The following BFSP1 variants were observed in gnomAD, a reference collection of about 807,000 sequenced individuals.
BFSP1 encodes filensin.
In BFSP1, 38 loss-of-function variants were observed where a neutral mutation model predicts 43.9. That is an observed-to-expected ratio of 0.87 (90% CI 0.67 to 1.14). BFSP1 has a LOEUF of 1.14. Ranked by LOEUF, BFSP1 falls within the 50% of genes most tolerant of loss-of-function variation. The pLI, the probability that BFSP1 is intolerant of heterozygous loss-of-function variation, is 0.00. For synonymous variants in BFSP1, 352 were observed against 354.8 expected (o/e 0.99, Z 0.09); for missense variants, 850 against 875.1 (o/e 0.97, Z 0.36).
chr20:17,521,806 G>C (rs776592547), intron 2 of BFSP1, among the ~76,000 whole-genome samples: 3 of 152,112 alleles, frequency 2.0e-5, no homozygotes, highest in Non-Finnish European at 4.4e-5. Context: ...ACCAATGAAG[G>C]AATGTGACGA....
intron 7 of BFSP1, among the ~76,000 whole-genome samples, 156 bp from the exon 8 acceptor site, chr20:17,495,185 C>A (rs1383106250): frequency 6.6e-6 from 1 of 152,186 alleles, no homozygotes; most frequent in African/African-American, 2.4e-5. Flanking sequence ...GGAAGAAAGG[C>A]CCTGGCTTTG....
chr20:17,520,216 C>G (rs867081414), intron 2 of BFSP1, among the ~76,000 whole-genome samples: 4 of 142,504 alleles, frequency 2.8e-5, no homozygotes, highest in South Asian at 2.6e-4. Context: ...ACGTGCCCCC[C>G]CACCCCGCCC....
At chr20:17,551,902 T>C (rs1329080483) in intron 1 of BFSP1, among the ~76,000 whole-genome samples, 1 of 151,986 alleles carries the variant, frequency 6.6e-6, no homozygotes, top group East Asian at 1.9e-4. Context: ...GGAGAATTGT[T>C]TGAACCCAGG....
upstream of BFSP1, among the ~76,000 whole-genome samples, chr20:17,561,709 G>T (rs1335951386): frequency 6.6e-6 from 1 of 152,130 alleles, no homozygotes; most frequent in Admixed American, 6.5e-5. Context: ...CTCTGACCTT[G>T]ATGTGTGTAT....
At chr20:17,564,466 A>G (rs1344719095) in intron 1 of BFSP1, among the ~76,000 whole-genome samples, 1 of 152,210 alleles carries the variant, frequency 6.6e-6, no homozygotes. Context: ...GAAGTAAACC[A>G]TATACACATA....
At chr20:17,522,212 A>G (rs185503933) in intron 2 of BFSP1, among the ~76,000 whole-genome samples, 2 of 152,164 alleles carry the variant, frequency 1.3e-5, no homozygotes, top group Non-Finnish European at 2.9e-5. Context: ...CCACAAATAC[A>G]AAAGACCCCA....
At chr20:17,568,707 G>T (rs538375614) in intron 1 of BFSP1, among the ~76,000 whole-genome samples, 2 of 152,114 alleles carry the variant, frequency 1.3e-5, no homozygotes, top group South Asian at 4.1e-4. Flanking sequence ...ACAACTTACT[G>T]TCTTTTTTAA....
upstream of BFSP1, among the ~76,000 whole-genome samples, chr20:17,532,492 T>TA (rs1166036467): frequency 6.6e-6 from 1 of 151,720 alleles, no homozygotes; most frequent in Non-Finnish European, 1.5e-5. Flanking sequence ...AAAATTTTAA[T>TA]AAAAAATGAG....
chr20:17,555,766 T>C (rs983352634), intron 1 of BFSP1, among the ~76,000 whole-genome samples: 4 of 152,220 alleles, frequency 2.6e-5, no homozygotes, highest in Non-Finnish European at 5.9e-5. Flanking sequence ...AAATTGATGA[T>C]TAAAAACTGT....
At chr20:17,496,819 T>G in intron 7 of BFSP1, 119 bp downstream of exon 7, 1 of 899,778 alleles carries the variant, frequency 1.1e-6, no homozygotes, top group South Asian at 1.8e-5. Flanking sequence ...CTCCTTCACA[T>G]AAAAGCATTT....
intron 1 of BFSP1, among the ~76,000 whole-genome samples, chr20:17,565,347 G>A (rs2035107410): frequency 1.3e-5 from 2 of 152,150 alleles, no homozygotes; most frequent in Admixed American, 6.5e-5. Context: ...TTTTATGGGA[G>A]GAATTTTCTG....
chr20:17,542,153 T>G (rs201932), intron 1 of BFSP1, among the ~76,000 whole-genome samples: 52,037 of 151,984 alleles, frequency 0.34, 9,132 homozygotes, highest in African/African-American at 0.41. Flanking sequence ...TGCCTCTTAG[T>G]AGATCATGAG....
At chr20:17,520,909 A>C (rs1167228622) in intron 2 of BFSP1, among the ~76,000 whole-genome samples, 2 of 152,264 alleles carry the variant, frequency 1.3e-5, no homozygotes, top group Admixed American at 1.3e-4. Flanking sequence ...CACATGAATT[A>C]CATGAAAAAG....
In BFSP1 at chr20:17,530,948, C is replaced by G. The variant is rs1057521548; in HGVS notation, c.377+5G>C. 7.7e-6 allele frequency: 11 copies of G among 1,422,348 alleles called. No homozygotes were observed. The highest frequency in any genetic ancestry group is 1.0e-5 in the Non-Finnish European group (11 of 1,092,062). 88.1% of individuals were successfully genotyped at this position (1,422,348 alleles called of 1,614,324 possible). A position where few individuals can be genotyped will look rare whatever the true frequency, so the allele number is the denominator to read the frequency against. On this transcript the variant is annotated splice_donor_5th_base_variant and intron_variant, in intron 1 of 7. Coordinates refer to ENST00000377873, the MANE Select transcript of BFSP1 (RefSeq NM_001195.5). ...CCTCGGTTTCCCCCGATGGCCGCCG[C>G]TTACTTGCTTCGGAACTCGTCGAGC...
At chr20:17,511,387 G>A (rs185755582) in intron 4 of BFSP1, among the ~76,000 whole-genome samples, 5 of 152,302 alleles carry the variant, frequency 3.3e-5, no homozygotes, top group East Asian at 3.9e-4. Flanking sequence ...GAGATTATCT[G>A]TATTTGAAAT....
At chr20:17,554,523 G>A (rs2034958223) in intron 1 of BFSP1, among the ~76,000 whole-genome samples, 4 of 152,160 alleles carry the variant, frequency 2.6e-5, no homozygotes, top group Admixed American at 2.6e-4. Context: ...CAAATTAAAG[G>A]AGGGGAACAC....
chr20:17,567,754 G>A (rs894193411), intron 1 of BFSP1, among the ~76,000 whole-genome samples: 3 of 151,908 alleles, frequency 2.0e-5, no homozygotes, highest in East Asian at 1.9e-4. Context: ...CCAGCTACTC[G>A]GGAGGTTGAG....
chr20:17,498,366 G>C (rs2033706683), intron 6 of BFSP1, among the ~76,000 whole-genome samples: 2 of 152,204 alleles, frequency 1.3e-5, no homozygotes, highest in Admixed American at 1.3e-4. Flanking sequence ...TCAGCAAGGT[G>C]CTAAGAATTG....
upstream of BFSP1, among the ~76,000 whole-genome samples, chr20:17,532,585 G>T (rs1205516944): frequency 6.6e-6 from 1 of 151,782 alleles, no homozygotes; most frequent in Non-Finnish European, 1.5e-5. Context: ...CCCTCAATTC[G>T]AGAATAATAA....
Sources: allele counts gnomAD v4.1 joint callset (sites outside exome capture counted in the v4.1 genomes callset), GRCh38; gene constraint gnomAD v4.1.1; transcripts MANE v1.5; gene names NCBI Gene and HGNC (gene_info 2026-07-23, HGNC 2026-07-21).